NDUFAF6: variants seen among roughly 807,000 people sequenced by gnomAD.
The protein encoded by NDUFAF6 is NADH:ubiquinone oxidoreductase complex assembly factor 6.
A neutral mutation model predicts 40.8 loss-of-function variants in NDUFAF6; 45 were observed. The observed-to-expected ratio is 1.10, with a 90% confidence interval of 0.87 to 1.42. The LOEUF is 1.42. NDUFAF6 is among the 40% of genes most tolerant of loss of function. NDUFAF6 has a pLI of 0.00. For synonymous variants in NDUFAF6, 185 were observed against 155.9 expected (o/e 1.19, Z -1.39); for missense variants, 435 against 418.5 (o/e 1.04, Z -0.34).
At chr8:94,952,833 T>C (rs913500562) in intron 2 of NDUFAF6, among the ~76,000 whole-genome samples, 1 of 152,106 alleles carries the variant, frequency 6.6e-6, no homozygotes, top group Non-Finnish European at 1.5e-5. Context: ...ATAAAAAGGG[T>C]CTGTGTGCTG....
chr8:94,896,870 TTCTC>T (rs1446043300), intron 1 of NDUFAF6, among the ~76,000 whole-genome samples: 1 of 152,186 alleles, frequency 6.6e-6, no homozygotes, highest in Non-Finnish European at 1.5e-5. Context: ...GGCAAAATAA[TTCTC>T]TCCCTAATTT....
chr8:95,070,340 C>G (rs1308675361), intron 9 of NDUFAF6, among the ~76,000 whole-genome samples: 1 of 152,156 alleles, frequency 6.6e-6, no homozygotes, highest in African/African-American at 2.4e-5. Flanking sequence ...GTGGCTGGCA[C>G]TTACTAAGTG....
At chr8:95,033,146 A>C (rs957594650) in intron 2 of NDUFAF6, among the ~76,000 whole-genome samples, 10 of 152,110 alleles carry the variant, frequency 6.6e-5, no homozygotes, top group Non-Finnish European at 1.5e-4. Context: ...GCTTTAAAGC[A>C]ATCCTCCCAC....
chr8:94,933,436 G>A (rs1820629795), intron 1 of NDUFAF6, among the ~76,000 whole-genome samples: 1 of 152,140 alleles, frequency 6.6e-6, no homozygotes, highest in Admixed American at 6.5e-5. Flanking sequence ...GAAACAAAAT[G>A]GTGGAGATCA....
chr8:94,967,563 A>G (rs1198970618), intron 1 of NDUFAF6, among the ~76,000 whole-genome samples: 1 of 151,998 alleles, frequency 6.6e-6, no homozygotes, highest in Non-Finnish European at 1.5e-5. Context: ...TTATTATTTT[A>G]CAGTTTCTGT....
intron 2 of NDUFAF6, among the ~76,000 whole-genome samples, chr8:95,086,671 C>G (rs1587257348): frequency 1.3e-5 from 2 of 151,056 alleles, no homozygotes; most frequent in Non-Finnish European, 1.5e-5. Flanking sequence ...GCGCGATCTC[C>G]GCTCACTGCA....
At chr8:94,987,630 A>G (rs1335739229) in intron 2 of NDUFAF6, among the ~76,000 whole-genome samples, 1 of 152,212 alleles carries the variant, frequency 6.6e-6, no homozygotes, top group Non-Finnish European at 1.5e-5. Flanking sequence ...GTCCTGGCTA[A>G]TAGATCTGCC....
intron 1 of NDUFAF6, chr8:94,940,788 T>A: frequency 6.8e-7 from 1 of 1,474,710 alleles, no homozygotes; most frequent in Non-Finnish European, 9.4e-7. Flanking sequence ...GTTTCCATTT[T>A]TACTGTGAAG....
chr8:95,107,000 A>G (rs1205517085), downstream of NDUFAF6, among the ~76,000 whole-genome samples: 1 of 152,200 alleles, frequency 6.6e-6, no homozygotes, highest in African/African-American at 2.4e-5. Context: ...ACTGGAGAGG[A>G]TGTGGAGAAG....
chr8:95,076,975 AAAG>A (rs1396450108), downstream of NDUFAF6, among the ~76,000 whole-genome samples: 2 of 152,104 alleles, frequency 1.3e-5, no homozygotes, highest in African/African-American at 4.8e-5. Context: ...CAGGGCCTTT[AAAG>A]AAGTGATTAA....
chr8:94,986,728 A>G (rs961202981), intron 2 of NDUFAF6, among the ~76,000 whole-genome samples: 1 of 152,186 alleles, frequency 6.6e-6, no homozygotes, highest in Non-Finnish European at 1.5e-5. Context: ...TTCAAAACAT[A>G]CTGGAAAAAT....
At chr8:95,005,554 A>ATATGTATAT (rs1554657858) in intron 2 of NDUFAF6, among the ~76,000 whole-genome samples, 2 of 115,352 alleles carry the variant, frequency 1.7e-5, no homozygotes, top group African/African-American at 7.5e-5. Flanking sequence ...TATATATATA[A>ATATGTATAT]AAAATATATT....
chr8:95,040,063 C>G (rs1829981532), intron 3 of NDUFAF6, among the ~76,000 whole-genome samples: 1 of 152,152 alleles, frequency 6.6e-6, no homozygotes, highest in African/African-American at 2.4e-5. Context: ...AGGATCTGAT[C>G]TTGGGTCATG....
intron 8 of NDUFAF6, among the ~76,000 whole-genome samples, chr8:95,054,102 C>A (rs956131138): frequency 2.6e-5 from 4 of 151,346 alleles, no homozygotes; most frequent in East Asian, 1.9e-4. Context: ...ATCACCACAC[C>A]CAGCTAATTT....
At chr8:95,009,450 T>A (rs773463221) in intron 2 of NDUFAF6, among the ~76,000 whole-genome samples, 1 of 152,176 alleles carries the variant, frequency 6.6e-6, no homozygotes, top group Non-Finnish European at 1.5e-5. Context: ...TGTAGACAAA[T>A]TGGCTGTTCC....
At chr8:95,114,451 C>T (rs1810084809) in intron 4 of NDUFAF6, among the ~76,000 whole-genome samples, 1 of 152,234 alleles carries the variant, frequency 6.6e-6, no homozygotes, top group Non-Finnish European at 1.5e-5. Flanking sequence ...GCCATGTTTG[C>T]TGAAAGTCAA....
intron 1 of NDUFAF6, among the ~76,000 whole-genome samples, chr8:94,911,718 C>T (rs1818793043): frequency 6.6e-6 from 1 of 152,216 alleles, no homozygotes; most frequent in African/African-American, 2.4e-5. Flanking sequence ...GGCCTCTGAA[C>T]AGCCAAAACA....
chr8:94,911,629 T>A (rs1375121592), intron 1 of NDUFAF6, among the ~76,000 whole-genome samples: 1 of 152,208 alleles, frequency 6.6e-6, no homozygotes, highest in Non-Finnish European at 1.5e-5. Context: ...TATACAATGG[T>A]ACCTTGGCCC....
chr8:94,992,419 G>A (rs1329138074), intron 2 of NDUFAF6, among the ~76,000 whole-genome samples: 4 of 152,086 alleles, frequency 2.6e-5, no homozygotes, highest in Non-Finnish European at 5.9e-5. Flanking sequence ...CCTGGGAGGT[G>A]GAGGTTTTAG....
Sources: gnomAD v4.1 joint callset for allele counts (sites outside exome capture counted in the v4.1 genomes callset) on GRCh38, gnomAD v4.1.1 for gene constraint, MANE v1.5 for transcripts, NCBI Gene and HGNC (gene_info 2026-07-23, HGNC 2026-07-21) for gene names.